PIGU: variants seen among roughly 807,000 people sequenced by gnomAD.
PIGU encodes GPI-anchor transamidase component PIGU.
Under a neutral mutation model 49.9 loss-of-function variants are expected in PIGU, and 24 were observed. The ratio of observed to expected loss-of-function variants is 0.48; its 90% CI spans 0.35 to 0.68. The LOEUF (loss-of-function observed/expected upper bound fraction) is 0.68, where lower values mean the gene tolerates loss of function less well. PIGU is among the 30% of genes least tolerant of loss of function. PIGU has a pLI of 0.01. For synonymous variants in PIGU, 220 were observed against 205.7 expected (o/e 1.07, Z -0.59); for missense variants, 490 against 532.6 (o/e 0.92, Z 0.79).
intron 7 of PIGU, 129 bp downstream of exon 7, chr20:34,615,913 T>C: frequency 2.2e-6 from 3 of 1,393,634 alleles, no homozygotes; most frequent in South Asian, 3.4e-5. Context: ...TTTCTATGTG[T>C]TTATATTTTC....
chr20:34,595,637 C>T (rs1271943706), intron 7 of PIGU, among the ~76,000 whole-genome samples: 1 of 152,202 alleles, frequency 6.6e-6, no homozygotes, highest in Non-Finnish European at 1.5e-5. Flanking sequence ...TAATATTTTA[C>T]ATTCCCTTCA....
chr20:34,672,553 C>T (rs998477489), intron 1 of PIGU, among the ~76,000 whole-genome samples: 6 of 151,524 alleles, frequency 4.0e-5, no homozygotes, highest in African/African-American at 1.5e-4. Flanking sequence ...TTTCGTTGCA[C>T]TTATTCAAAA....
At chr20:34,660,199 C>T (rs1986889621) in intron 1 of PIGU, among the ~76,000 whole-genome samples, 2 of 152,072 alleles carry the variant, frequency 1.3e-5, no homozygotes, top group Admixed American at 1.3e-4. Flanking sequence ...TTGGCGTACT[C>T]CATCCATAGT....
At chr20:34,581,215 C>G (rs1183128811) in intron 10 of PIGU, among the ~76,000 whole-genome samples, 1 of 152,130 alleles carries the variant, frequency 6.6e-6, no homozygotes, top group Admixed American at 6.5e-5. Context: ...GAATGAGTGG[C>G]TCTACCTTTC....
At chr20:34,563,570 A>G (rs961776801) in intron 11 of PIGU, among the ~76,000 whole-genome samples, 1 of 150,814 alleles carries the variant, frequency 6.6e-6, no homozygotes, top group Admixed American at 6.6e-5. Flanking sequence ...ATAATAAAAA[A>G]TAAAGCTTCA....
chr20:34,573,486 T>C (rs964905157), intron 11 of PIGU, among the ~76,000 whole-genome samples: 2 of 152,190 alleles, frequency 1.3e-5, no homozygotes, highest in Non-Finnish European at 2.9e-5. Context: ...GCAAGTTCCA[T>C]GGATGCTTCA....
intron 4 of PIGU, among the ~76,000 whole-genome samples, chr20:34,638,784 C>T (rs1038428744): frequency 9.2e-5 from 14 of 152,078 alleles, no homozygotes; most frequent in African/African-American, 2.9e-4. Context: ...TCTTGCCTTC[C>T]GCTGGTGTGT....
At chr20:34,578,081 GTTGA>G (rs1983312612) in intron 10 of PIGU, among the ~76,000 whole-genome samples, 1 of 152,192 alleles carries the variant, frequency 6.6e-6, no homozygotes, top group Non-Finnish European at 1.5e-5. Context: ...ATGGCTGGTA[GTTGA>G]TTGTTTTAAT....
Position 34,574,878 on chromosome 20 carries a change from C to G in PIGU, c.1194+226G>C, listed in dbSNP as rs149660066. 6.4e-3 allele frequency among the ~76,000 whole-genome samples: 981 copies of G among 152,288 alleles called. 13 individuals carry two copies. Among genetic ancestry groups the G allele is most frequent in the South Asian group, 0.049 (235 of 4,820 alleles). ...CTGTCTCCTAGGCTTGCTGAGAATACAGCATGGCTATGGTTCAGTGTGGTG... is the reference window on the plus strand; with the variant it reads ...CTGTCTCCTAGGCTTGCTGAGAATAGAGCATGGCTATGGTTCAGTGTGGTG... On this transcript the variant is annotated intron_variant, in intron 11 of 11. Transcript: ENST00000217446.
intron 7 of PIGU, among the ~76,000 whole-genome samples, chr20:34,604,338 T>C (rs1984537632): frequency 1.3e-5 from 2 of 152,184 alleles, no homozygotes; most frequent in South Asian, 4.1e-4. Context: ...AACCATTTCC[T>C]TTCTCAGACA....
At chr20:34,565,369 A>C (rs1156418983) in intron 11 of PIGU, among the ~76,000 whole-genome samples, 1 of 151,942 alleles carries the variant, frequency 6.6e-6, no homozygotes, top group African/African-American at 2.4e-5. Flanking sequence ...CTCCCGCCTC[A>C]GCCTCCCGAG....
At chr20:34,595,095 C>G in intron 7 of PIGU, among the ~76,000 whole-genome samples, 1 of 71,340 alleles carries the variant, frequency 1.4e-5, no homozygotes, top group East Asian at 4.4e-4. Context: ...GACTCCGTCT[C>G]AAAAAAAAAA....
At chr20:34,562,534 G>T (rs1221920483) in intron 11 of PIGU, 2 of 1,289,400 alleles carry the variant, frequency 1.6e-6, no homozygotes, top group Non-Finnish European at 2.0e-6. Flanking sequence ...CTCAGGACAA[G>T]TACCTGCCAT....
In PIGU at chr20:34,658,801, C is replaced by T. The variant is rs1483288683; in HGVS notation, c.131-1557G>A. On this transcript the variant is annotated intron_variant, in intron 1 of 11. Transcript: ENST00000217446. ...GTGAGGAGCCCCTCCGCCTGGCAGCCGCCCCGTCTGAGAAGCGAGGAGCCC... is the reference window on the plus strand; with the variant it reads ...GTGAGGAGCCCCTCCGCCTGGCAGCTGCCCCGTCTGAGAAGCGAGGAGCCC... Among the ~76,000 whole-genome samples, 6 of 151,462 alleles carry T rather than the reference C, an allele frequency of 4.0e-5. No homozygotes were observed. In the East Asian group the frequency reaches 1.2e-3, roughly 30 times the overall value.
intron 9 of PIGU, 66 bp from the exon 10 acceptor site, chr20:34,581,738 T>C: frequency 6.4e-7 from 1 of 1,563,306 alleles, no homozygotes; most frequent in Non-Finnish European, 8.7e-7. Flanking sequence ...TAGAGACTCC[T>C]GACTCCATCC....
chr20:34,567,357 C>CTCA (rs1344903184), intron 11 of PIGU, among the ~76,000 whole-genome samples: 1 of 152,224 alleles, frequency 6.6e-6, no homozygotes, highest in African/African-American at 2.4e-5. Flanking sequence ...ATCTCTGGAC[C>CTCA]TCAGTGTCAG....
At chr20:34,640,290 C>A (rs977285223) in intron 4 of PIGU, among the ~76,000 whole-genome samples, 2 of 152,214 alleles carry the variant, frequency 1.3e-5, no homozygotes, top group African/African-American at 4.8e-5. Flanking sequence ...GGAAGGCACA[C>A]AGATCAGCAA....
At chr20:34,592,755 GTTATTCTATCAAGGT>G (rs1015532112) in intron 7 of PIGU, among the ~76,000 whole-genome samples, 16 of 152,080 alleles carry the variant, frequency 1.1e-4, no homozygotes, top group African/African-American at 3.9e-4. Context: ...ATTGGATAAT[GTTATTCTATCAAGGT>G]TAAATTTCTA....
At chr20:34,609,626 A>G (rs1004480491) in intron 7 of PIGU, among the ~76,000 whole-genome samples, 1 of 152,036 alleles carries the variant, frequency 6.6e-6, no homozygotes, top group Non-Finnish European at 1.5e-5. Context: ...TGGCCTCCCA[A>G]AGTGCTGGGA....
Sources: allele counts gnomAD v4.1 joint callset (sites outside exome capture counted in the v4.1 genomes callset), GRCh38; gene constraint gnomAD v4.1.1; transcripts MANE v1.5; gene names NCBI Gene and HGNC (gene_info 2026-07-23, HGNC 2026-07-21).